ANKRD6: variants seen among roughly 807,000 people sequenced by gnomAD.
The protein encoded by ANKRD6 is ankyrin repeat domain 6, also known as ankyrin repeat domain-containing protein 6.
ANKRD6 carries 56 observed loss-of-function variants against 82.3 expected under a neutral mutation model. The observed-to-expected ratio is 0.68, with a 90% confidence interval of 0.55 to 0.85. The LOEUF is 0.85. Ranked by LOEUF, ANKRD6 falls within the 40% of genes least tolerant of loss-of-function variation. ANKRD6 has a pLI of 0.00. For missense variants in ANKRD6, 852 were observed against 907.6 expected, an observed-to-expected ratio of 0.94 and a Z score of 0.79; for synonymous variants, 347 against 352.1, an observed-to-expected ratio of 0.99 and a Z score of 0.16.
intron 1 of ANKRD6, among the ~76,000 whole-genome samples, chr6:89,560,652 C>T (rs1019126185): frequency 3.9e-5 from 6 of 152,148 alleles, no homozygotes; most frequent in Admixed American, 6.5e-5. Flanking sequence ...GGTGAAACCC[C>T]GTCTCTGCTA....
rs116233146 is a variant in ANKRD6 at position 89,455,329 on chromosome 6, A to G, written c.-144+21954A>G. Among the ~76,000 whole-genome samples the G allele has an allele frequency of 6.6e-3, 999 of 152,164 alleles. 21 individuals carry two copies. Among genetic ancestry groups the G allele is most frequent in the African/African-American group, 0.023 (942 of 41,498 alleles). On this transcript the variant is annotated intron_variant, in intron 1 of 15. Coordinates refer to ENST00000339746, the MANE Select transcript of ANKRD6 (RefSeq NM_001242809.2). Reference sequence around the variant, plus strand: ...TCTGCTTGGCTTCCAGGGAGGCCTCAAGGAGCTTTTACTCATGGTGGAAGG... The same window carrying G: ...TCTGCTTGGCTTCCAGGGAGGCCTCGAGGAGCTTTTACTCATGGTGGAAGG...
intron 1 of ANKRD6, among the ~76,000 whole-genome samples, chr6:89,550,223 T>C (rs544759407): frequency 5.9e-5 from 9 of 152,182 alleles, no homozygotes; most frequent in African/African-American, 2.2e-4. Context: ...GAGACATGCA[T>C]ATAAGAATAT....
At chr6:89,545,793 A>C (rs915857924) in intron 1 of ANKRD6, among the ~76,000 whole-genome samples, 2 of 152,088 alleles carry the variant, frequency 1.3e-5, no homozygotes, top group African/African-American at 4.8e-5. Flanking sequence ...ATCTGGATTA[A>C]ATGTTCTGTG....
intron 1 of ANKRD6, among the ~76,000 whole-genome samples, chr6:89,478,594 C>T (rs1776361746): frequency 6.7e-6 from 1 of 148,238 alleles, no homozygotes; most frequent in African/African-American, 2.5e-5. Context: ...ATTAGCCAGG[C>T]GTGGTGGTGT....
intron 1 of ANKRD6, among the ~76,000 whole-genome samples, chr6:89,459,020 C>T (rs904697102): frequency 4.6e-5 from 7 of 152,070 alleles, no homozygotes; most frequent in East Asian, 1.9e-4. Flanking sequence ...GTGGTATAGG[C>T]GCTTCGTGTC....
At chr6:89,625,283 GA>G (rs879660007) in intron 13 of ANKRD6, among the ~76,000 whole-genome samples, 1,620 of 140,638 alleles carry the variant, frequency 0.012, 18 homozygotes, top group African/African-American at 0.034. Flanking sequence ...ACTCTGTCTA[GA>G]AAAAAAAAAA....
At chr6:89,538,924 G>C (rs1481721926) in intron 1 of ANKRD6, among the ~76,000 whole-genome samples, 1 of 152,062 alleles carries the variant, frequency 6.6e-6, no homozygotes, top group Non-Finnish European at 1.5e-5. Flanking sequence ...TGAAAGAACA[G>C]AGTTTCAACA....
At chr6:89,618,771 A>T (rs998392903) in intron 9 of ANKRD6, among the ~76,000 whole-genome samples, 1 of 152,336 alleles carries the variant, frequency 6.6e-6, no homozygotes, top group South Asian at 2.1e-4. Flanking sequence ...TTATAAAACA[A>T]TGTTCTGCAG....
rs1446207156 is a variant in ANKRD6, at chr6:89,442,154, C to T, written c.-144+8779C>T. Among the ~76,000 whole-genome samples the T allele has an allele frequency of 3.9e-5, 6 of 152,134 alleles. No individual in the cohort carries two copies. The East Asian group carries it at 9.8e-4, about 25-fold the overall frequency. ...GGGATTACACGCATGCGCTCCCACA[C>T]CCAGTTAATTTTTGTATTTTTAGTA... On this transcript the variant is annotated intron_variant, in intron 1 of 15. Coordinates refer to ENST00000339746, the MANE Select transcript of ANKRD6 (RefSeq NM_001242809.2).
chr6:89,588,611 C>T (rs933562050), intron 2 of ANKRD6, among the ~76,000 whole-genome samples: 8 of 152,108 alleles, frequency 5.3e-5, no homozygotes, highest in African/African-American at 1.7e-4. Context: ...CAATGAGTCT[C>T]AATTCCTTTA....
rs61745976 is a variant in ANKRD6, at chr6:89,630,926, G to A, written c.2106G>A (p.Lys702=). The A allele has an allele frequency of 2.4e-3, 3,784 of 1,609,796 alleles. 83 individuals are homozygous for A. In the African/African-American group the frequency reaches 0.045, roughly 19 times the overall value. The change falls in exon 16 of 16, where the codon AAG becomes AAA. Residue 702 remains lysine (K), a synonymous_variant. Coordinates refer to ENST00000339746, the MANE Select transcript of ANKRD6 (RefSeq NM_001242809.2). ...SQANQKAQQD[K]ATLKEHIKSL... is the part of the protein sequence containing the mutation. ...CCAATCAGAAAGCCCAGCAAGATAAGGCTACATTGAAGGAACACATTAAAA... is the reference window on the plus strand; with the variant it reads ...CCAATCAGAAAGCCCAGCAAGATAAAGCTACATTGAAGGAACACATTAAAA...
intron 9 of ANKRD6, among the ~76,000 whole-genome samples, chr6:89,618,564 C>G (rs914415684): frequency 6.6e-6 from 1 of 152,076 alleles, no homozygotes; most frequent in African/African-American, 2.4e-5. Flanking sequence ...AAAATGGTGG[C>G]TGATACTTTA....
intron 1 of ANKRD6, among the ~76,000 whole-genome samples, chr6:89,513,102 G>A (rs1220280366): frequency 1.3e-5 from 2 of 151,802 alleles, no homozygotes; most frequent in Non-Finnish European, 2.9e-5. Flanking sequence ...ATTTGAAAAA[G>A]TATTTTTAGA....
At chr6:89,535,309 A>C (rs1471700957) in intron 1 of ANKRD6, among the ~76,000 whole-genome samples, 1 of 151,996 alleles carries the variant, frequency 6.6e-6, no homozygotes, top group Non-Finnish European at 1.5e-5. Flanking sequence ...AATGGGATAA[A>C]ATTTCCAAGA....
At chr6:89,499,871 G>A (rs559230248) in intron 1 of ANKRD6, among the ~76,000 whole-genome samples, 2 of 152,112 alleles carry the variant, frequency 1.3e-5, no homozygotes, top group Middle Eastern at 3.4e-3. Flanking sequence ...CAAGACTTCA[G>A]CATCAAAACA....
chr6:89,623,430 C>T lies in ANKRD6; in HGVS notation c.918C>T (p.Asp306=), dbSNP rs765810770. 3.7e-6 allele frequency: 6 copies of T among 1,612,238 alleles called. No homozygotes were observed. In the South Asian group the frequency reaches 5.5e-5, roughly 15 times the overall value. Reference sequence around the variant, plus strand: ...TGTAGGGCAGTGTCTCAGCAGGAGACACCCCCAGCAGTGAACAGGCTGTGG... The same window carrying T: ...TGTAGGGCAGTGTCTCAGCAGGAGATACCCCCAGCAGTGAACAGGCTGTGG... ...AQSKGSVSAG[D]TPSSEQAVAR... Residue 306 remains aspartate, a synonymous_variant, in exon 11 of 16, where the codon GAC becomes GAT. Transcript: ENST00000339746.
intron 2 of ANKRD6, among the ~76,000 whole-genome samples, chr6:89,567,436 G>A (rs750932269): frequency 1.3e-5 from 2 of 152,146 alleles, no homozygotes; most frequent in Non-Finnish European, 2.9e-5. Context: ...TCCCGGGGAG[G>A]TGGACCAGCT....
intron 1 of ANKRD6, among the ~76,000 whole-genome samples, chr6:89,566,030 T>C (rs1009127236): frequency 6.6e-6 from 1 of 152,214 alleles, no homozygotes; most frequent in African/African-American, 2.4e-5. Context: ...GTAGGAAGAA[T>C]TCAGTTTGCT....
chr6:89,558,270 G>T lies in ANKRD6; in HGVS notation c.-143-8564G>T, dbSNP rs189916724. Reference sequence around the variant, plus strand: ...TGTCCACACAAACCTGCACATGAATGTTTATAGCATTTTTATTTGTAATTG... The same window carrying T: ...TGTCCACACAAACCTGCACATGAATTTTTATAGCATTTTTATTTGTAATTG... On this transcript the variant is annotated intron_variant, in intron 1 of 15. Coordinates refer to ENST00000339746, the MANE Select transcript of ANKRD6 (RefSeq NM_001242809.2). Among the ~76,000 whole-genome samples, 124 of 152,268 alleles carry T rather than the reference G, an allele frequency of 8.1e-4. 1 individual carries two copies. Among genetic ancestry groups the T allele is most frequent in the Non-Finnish European group, 1.6e-3 (109 of 68,032 alleles).
Sources: allele counts gnomAD v4.1 joint callset (sites outside exome capture counted in the v4.1 genomes callset), GRCh38; gene constraint gnomAD v4.1.1; transcripts MANE v1.5; gene names NCBI Gene and HGNC (gene_info 2026-07-23, HGNC 2026-07-21).